Variants in CHST11 observed in about 807,000 individuals in gnomAD.
CHST11 encodes carbohydrate sulfotransferase 11, also known as C4S-1.
Under a neutral mutation model 30.4 loss-of-function variants are expected in CHST11, and 9 were observed. The ratio of observed to expected loss-of-function variants is 0.30; its 90% confidence interval spans 0.18 to 0.52. The LOEUF (loss-of-function observed/expected upper bound fraction) is 0.52. Ranked by LOEUF, CHST11 falls within the 20% of genes least tolerant of loss-of-function variation. The probability of loss-of-function intolerance (pLI) is 0.97; values close to 1 mark genes in which losing one functional copy is unlikely to be tolerated. For synonymous variants in CHST11, 152 were observed against 187.8 expected (o/e 0.81, Z 1.56); for missense variants, 348 against 460.6 (o/e 0.76, Z 2.24).
chr12:104,469,744 C>G (rs1302915496), intron 1 of CHST11, among the ~76,000 whole-genome samples: 1 of 152,156 alleles, frequency 6.6e-6, no homozygotes, highest in Non-Finnish European at 1.5e-5. Flanking sequence ...CCTTCTTCAC[C>G]AGACCAGGTG....
chr12:104,703,961 G>A lies in CHST11; in HGVS notation c.205-52988G>A, dbSNP rs185950939. The stretch of plus-strand genomic sequence containing the variant: ...GCCTAGTTCAATAGCTGGTAGTTAC[G>A]ACCGGGTTCTTGTAACGGCTCCTTA... On this transcript the variant is annotated intron_variant, in intron 2 of 2. Transcript: ENST00000303694. 1.3e-3 allele frequency among the ~76,000 whole-genome samples: 203 copies of A among 152,318 alleles called. 1 individual carries two copies. Among genetic ancestry groups the A allele is most frequent in the African/African-American group, 4.7e-3 (195 of 41,570 alleles).
At chr12:104,644,066 C>A (rs893640842) in intron 2 of CHST11, among the ~76,000 whole-genome samples, 2 of 152,124 alleles carry the variant, frequency 1.3e-5, no homozygotes, top group Non-Finnish European at 1.5e-5. Context: ...AGGAGCTGTC[C>A]GGCCAGTTGT....
chr12:104,579,055 C>G (rs1427828412), intron 1 of CHST11, among the ~76,000 whole-genome samples: 1 of 152,192 alleles, frequency 6.6e-6, no homozygotes, highest in East Asian at 1.9e-4. Flanking sequence ...TGCCCAGGTA[C>G]TTATCAAAGG....
intron 2 of CHST11, among the ~76,000 whole-genome samples, chr12:104,747,874 T>G (rs1014107564): frequency 1.3e-5 from 2 of 152,112 alleles, no homozygotes; most frequent in Admixed American, 1.3e-4. Flanking sequence ...CTGAGGGAAA[T>G]TGCAAACGCT....
chr12:104,495,438 C>T (rs938044124), intron 1 of CHST11, among the ~76,000 whole-genome samples: 5 of 152,194 alleles, frequency 3.3e-5, no homozygotes, highest in African/African-American at 1.2e-4. Flanking sequence ...TTCCTACCAA[C>T]AGTACACAAG....
intron 2 of CHST11, among the ~76,000 whole-genome samples, chr12:104,651,081 A>G (rs1358620098): frequency 6.6e-6 from 1 of 152,236 alleles, no homozygotes; most frequent in Non-Finnish European, 1.5e-5. Flanking sequence ...TTTGATACCC[A>G]GACGTTTTCA....
chr12:104,479,661 A>G (rs2037599375), intron 1 of CHST11, among the ~76,000 whole-genome samples: 1 of 152,250 alleles, frequency 6.6e-6, no homozygotes, highest in African/African-American at 2.4e-5. Context: ...GATTTTAAAA[A>G]GTCTTGCACT....
intron 2 of CHST11, among the ~76,000 whole-genome samples, chr12:104,607,067 AAAATAAAT>A (rs912926434): frequency 1.3e-5 from 2 of 152,062 alleles, no homozygotes; most frequent in Non-Finnish European, 2.9e-5. Context: ...TCAAAAAATA[AAAATAAAT>A]AAATAAATAA....
chr12:104,658,663 A>G (rs574615099), intron 2 of CHST11, among the ~76,000 whole-genome samples: 31 of 152,084 alleles, frequency 2.0e-4, no homozygotes, highest in Admixed American at 1.8e-3. Flanking sequence ...CTTTTCTCCT[A>G]CCTTCTGCTT....
At chr12:104,755,913 C>G (rs114321177) in intron 2 of CHST11, among the ~76,000 whole-genome samples, 1 of 62,964 alleles carries the variant, frequency 1.6e-5, no homozygotes, top group Non-Finnish European at 2.6e-5. Context: ...TTCTCGGGAC[C>G]CCCCCCTCCG....
chr12:104,572,520 C>G (rs1288013576), intron 1 of CHST11, among the ~76,000 whole-genome samples: 5 of 152,192 alleles, frequency 3.3e-5, no homozygotes, highest in Non-Finnish European at 7.3e-5. Context: ...TTATAGTATT[C>G]TCTGATGATA....
At chr12:104,526,281 T>C (rs17035707) in intron 1 of CHST11, among the ~76,000 whole-genome samples, 11,609 of 152,158 alleles carry the variant, frequency 0.076, 540 homozygotes, top group South Asian at 0.15. Context: ...TTTTGTTCCA[T>C]GGAAGGTAGT....
At chr12:104,576,345 G>C (rs2038683588) in intron 1 of CHST11, among the ~76,000 whole-genome samples, 1 of 152,172 alleles carries the variant, frequency 6.6e-6, no homozygotes. Context: ...GCGGAAGCCA[G>C]GGCAGGTATT....
At chr12:104,657,252 A>T (rs2039553383) in intron 2 of CHST11, among the ~76,000 whole-genome samples, 1 of 152,244 alleles carries the variant, frequency 6.6e-6, no homozygotes, top group Non-Finnish European at 1.5e-5. Context: ...GCGAAACAAA[A>T]AGAGTAAACC....
chr12:104,663,663 A>G (rs1419033582), intron 2 of CHST11, among the ~76,000 whole-genome samples: 1 of 152,184 alleles, frequency 6.6e-6, no homozygotes, highest in African/African-American at 2.4e-5. Context: ...ATTTAAAAAA[A>G]TCTTACTAGG....
intron 1 of CHST11, among the ~76,000 whole-genome samples, chr12:104,487,645 A>G (rs2037694936): frequency 1.3e-5 from 2 of 152,046 alleles, no homozygotes. Flanking sequence ...AGGTAAAGAT[A>G]TTTATCTGAG....
chr12:104,551,782 G>A (rs552430903), intron 1 of CHST11, among the ~76,000 whole-genome samples: 4 of 152,256 alleles, frequency 2.6e-5, no homozygotes, highest in East Asian at 1.9e-4. Context: ...GAAGTGGTGC[G>A]AGGTGGAAGG....
At position 104,485,660 on chromosome 12, in the gene CHST11, A is replaced by G. The variant is rs115356621; in HGVS notation, c.118+28131A>G. Among the ~76,000 whole-genome samples the G allele has an allele frequency of 1.5e-3, 226 of 152,356 alleles. 1 individual carries two copies. Among genetic ancestry groups the G allele is most frequent in the African/African-American group, 4.8e-3 (198 of 41,582 alleles). ...GGTAGACTGACTCGGGCACTTCTCT[A>G]TGTTCCCTGACATTGCCAGTCTTAG... On this transcript the variant is annotated intron_variant, in intron 1 of 2. Coordinates refer to ENST00000303694, the MANE Select transcript of CHST11 (RefSeq NM_018413.6).
intron 2 of CHST11, among the ~76,000 whole-genome samples, chr12:104,683,078 A>G (rs1410918078): frequency 1.3e-5 from 2 of 152,228 alleles, no homozygotes; most frequent in Admixed American, 1.3e-4. Flanking sequence ...AGGAAGGAAG[A>G]AAGTGTTGAA....
Sources: gnomAD v4.1 joint callset for allele counts (sites outside exome capture counted in the v4.1 genomes callset) on GRCh38, gnomAD v4.1.1 for gene constraint, MANE v1.5 for transcripts, NCBI Gene and HGNC (gene_info 2026-07-23, HGNC 2026-07-21) for gene names.